The following DBNL variants were observed in gnomAD, a reference collection of about 807,000 sequenced individuals.
DBNL encodes the protein drebrin like.
In DBNL, 35 loss-of-function variants were observed where a neutral mutation model predicts 62.2. That is an observed-to-expected ratio of 0.56 (90% CI 0.43 to 0.75). DBNL has a LOEUF of 0.75. DBNL is among the 30% of genes least tolerant of loss of function. DBNL has a pLI of 0.00. For missense variants in DBNL, 495 were observed against 578.4 expected (o/e 0.86, Z 1.48); for synonymous variants, 197 against 218.0 (o/e 0.90, Z 0.85).
rs934757028 is a variant in DBNL, at chr7:44,060,979, G to T, written c.*63G>T. The T allele has an allele frequency of 6.4e-7, 1 of 1,573,876 alleles. No homozygotes were observed. Among genetic ancestry groups the T allele is most frequent in the Non-Finnish European group, 8.6e-7 (1 of 1,159,318 alleles). On this transcript the variant is annotated 3_prime_UTR_variant, in exon 13 of 13. Coordinates refer to ENST00000448521, the MANE Select transcript of DBNL (RefSeq NM_001014436.3). This position sits in a 1 kb window ranked among gnomAD's most constrained non-coding sequence, Gnocchi z 6.3. ...GGCTTCCTTATTGCTGGAAGAGGAG[G>T]CCTGGGAGTTGACATTCAGCACTCT...
At chr7:44,055,201 C>T (rs943334995) in intron 4 of DBNL, among the ~76,000 whole-genome samples, 9 of 152,214 alleles carry the variant, frequency 5.9e-5, no homozygotes, top group African/African-American at 2.2e-4. Context: ...CGCGATGGCT[C>T]ACGCCTGTAA....
At chr7:44,052,816 G>A in intron 3 of DBNL, 51 bp from the exon 4 acceptor site, 1 of 1,607,848 alleles carries the variant, frequency 6.2e-7, no homozygotes, top group African/African-American at 1.3e-5. Flanking sequence ...CCAGGGAAGG[G>A]AAGTGGCTTT....
intron 2 of DBNL, 82 bp from the exon 3 acceptor site, chr7:44,051,748 G>C: frequency 7.5e-7 from 1 of 1,324,814 alleles, no homozygotes; most frequent in Non-Finnish European, 1.1e-6. Context: ...TTTAGAAGCA[G>C]CTCGGCCTCC....
chr7:44,062,588 AG>A lies in DBNL; in HGVS notation c.*1674del, dbSNP rs2096151204. 1.5e-6 allele frequency: 1 copy of A among 646,840 alleles called. No homozygotes were observed. The highest frequency in any genetic ancestry group is 2.7e-6 in the Non-Finnish European group (1 of 364,872). 40.1% of individuals were successfully genotyped at this position (646,840 alleles called of 1,614,324 possible). A position where few individuals can be genotyped will look rare whatever the true frequency, so the allele number is the denominator to read the frequency against. ...GCCCTGGCTCAGTGTCCTGATGACT[AG>A]GTGTGGGTACTAGGCTCCTGCCCCT... is the stretch of plus-strand genomic sequence containing the variant. On this transcript the variant is annotated 3_prime_UTR_variant, in exon 13 of 13. Transcript: ENST00000448521.
Position 44,065,465 on chromosome 7 carries a change from A to T in DBNL, c.*4549A>T. ...CAGCTCTGCATCGAACCAGCCACAGAAACGGTTCTCCTGGTTCCATGTGCT... is the reference window on the plus strand; with the variant it reads ...CAGCTCTGCATCGAACCAGCCACAGTAACGGTTCTCCTGGTTCCATGTGCT... On this transcript the variant is annotated 3_prime_UTR_variant, in exon 13 of 13. Transcript: ENST00000448521. 6.2e-7 allele frequency: 1 copy of T among 1,614,116 alleles called. No individual in the cohort carries two copies. Among genetic ancestry groups the T allele is most frequent in the South Asian group, 1.1e-5 (1 of 91,080 alleles).
chr7:44,049,980 C>T, intron 1 of DBNL: 1 of 467,332 alleles, frequency 2.1e-6, no homozygotes. Context: ...CTTTGTCCCT[C>T]ACAACCCCCA....
intron 2 of DBNL, chr7:44,051,464 A>C (rs17449252): frequency 0.072 from 13,884 of 192,054 alleles, 660 homozygotes; most frequent in Non-Finnish European, 0.098. Flanking sequence ...GCAACAATAA[A>C]ATTTTGACGT....
At position 44,050,274 on chromosome 7, in the gene DBNL, A is replaced by G. The variant is rs1460667328; in HGVS notation, c.133A>G (p.Thr45Ala). 19 of 1,613,588 alleles carry G rather than the reference A, an allele frequency of 1.2e-5. No homozygotes were observed. The highest frequency in any genetic ancestry group is 1.6e-5 in the Non-Finnish European group (19 of 1,179,702). ...GNSNDIRVAG[T>A]GEGGLEEMVE... Reference sequence around the variant, plus strand: ...CAGCAATGACATCCGCGTGGCTGGCACAGGGGGTGAGTATGACTCCAAATG... The same window carrying G: ...CAGCAATGACATCCGCGTGGCTGGCGCAGGGGGTGAGTATGACTCCAAATG... Residue 45 changes from threonine (T) to alanine (A), a missense_variant, in exon 2 of 13, where the codon ACA becomes GCA. Thr to Ala is a moderately conservative substitution (Grantham distance 58). Coordinates refer to ENST00000448521, the MANE Select transcript of DBNL (RefSeq NM_001014436.3).
rs2096150703 is a variant in DBNL at position 44,062,266 on chromosome 7, G to T, written c.*1350G>T. ...CACTCCCATGGAAGACCCAGGTTTGGGCTGTTGCCAGCTTTGAGGCCCCCT... is the reference window on the plus strand; with the variant it reads ...CACTCCCATGGAAGACCCAGGTTTGTGCTGTTGCCAGCTTTGAGGCCCCCT... On this transcript the variant is annotated 3_prime_UTR_variant, in exon 13 of 13. Transcript: ENST00000448521. The T allele has an allele frequency of 1.0e-5, 2 of 192,246 alleles. No homozygotes were observed. The highest frequency in any genetic ancestry group is 2.2e-5 in the Non-Finnish European group (2 of 90,626). The allele number at this position is 192,246 out of a possible 1,614,324, so 11.9% of individuals were successfully genotyped here. A position where few individuals can be genotyped will look rare whatever the true frequency, so the allele number is the denominator to read the frequency against.
At chr7:44,045,973 A>C (rs559059120) in intron 1 of DBNL, among the ~76,000 whole-genome samples, 1 of 152,130 alleles carries the variant, frequency 6.6e-6, no homozygotes. Flanking sequence ...ATATCTCGTC[A>C]TTTCCTTGGT....
chr7:44,064,889 G>A lies in DBNL; in HGVS notation c.*3973G>A, dbSNP rs540266988. 4.4e-6 allele frequency: 7 copies of A among 1,601,864 alleles called. No homozygotes were observed. Among genetic ancestry groups the A allele is most frequent in the African/African-American group, 1.3e-5 (1 of 74,364 alleles). ...TTCCCGTGGGCTGCAATGAGCACTC[G>A]CTTGCCGGCCTTGATCTGGGGAACA... On this transcript the variant is annotated 3_prime_UTR_variant, in exon 13 of 13. Coordinates refer to ENST00000448521, the MANE Select transcript of DBNL (RefSeq NM_001014436.3).
intron 3 of DBNL, 27 bp downstream of exon 3, chr7:44,051,969 G>A (rs758709008): frequency 1.0e-5 from 16 of 1,603,298 alleles, no homozygotes; most frequent in Non-Finnish European, 1.0e-5. Context: ...TCATCTAGGT[G>A]TGACCCAGGA....
Position 44,065,161 on chromosome 7 carries a change from C to T in DBNL, c.*4245C>T, listed in dbSNP as rs202087044. ...AGGGGTGCTTCTCGTCCATCGGGGG[C>T]GGCGGGATGTCGAAGGAGCGCCTCC... On this transcript the variant is annotated 3_prime_UTR_variant, in exon 13 of 13. Transcript: ENST00000448521. 1.7e-5 allele frequency: 28 copies of T among 1,614,064 alleles called. No homozygotes were observed. Among genetic ancestry groups the T allele is most frequent in the African/African-American group, 2.7e-5 (2 of 75,054 alleles).
rs2096149626 is a variant in DBNL, at chr7:44,061,732, A to G, written c.*816A>G. Reference sequence around the variant, plus strand: ...GGACCACGAATTCCCAGTTTGGTCTACACAGGCTCGCAGCTCTCACCTGTC... The same window carrying G: ...GGACCACGAATTCCCAGTTTGGTCTGCACAGGCTCGCAGCTCTCACCTGTC... On this transcript the variant is annotated 3_prime_UTR_variant, in exon 13 of 13. Coordinates refer to ENST00000448521, the MANE Select transcript of DBNL (RefSeq NM_001014436.3). The G allele has an allele frequency of 6.6e-6, 1 of 152,324 alleles. No individual in the cohort carries two copies. The highest frequency in any genetic ancestry group is 2.4e-5 in the African/African-American group (1 of 41,446). The allele number at this position is 152,324 out of a possible 1,614,324, so 9.4% of individuals were successfully genotyped here.
In DBNL at chr7:44,065,649, A is replaced by G. The variant is rs867302072; in HGVS notation, c.*4733A>G. ...CCAGCCAACTGCCAATCAGCATTCC[A>G]GGCGGTGGCAGGTGACCAGTAGCTG... On this transcript the variant is annotated 3_prime_UTR_variant, in exon 13 of 13. Transcript: ENST00000448521. 173 of 954,428 alleles carry G rather than the reference A, an allele frequency of 1.8e-4. 1 individual carries two copies. In the South Asian group the frequency reaches 2.4e-3, roughly 13 times the overall value. 59.1% of individuals were successfully genotyped at this position (954,428 alleles called of 1,614,324 possible).
rs5883883 is a variant in DBNL, at chr7:44,047,910, C to CTT, written c.84-2293_84-2292dup. Among the ~76,000 whole-genome samples the CTT allele has an allele frequency of 1.3e-4, 9 of 69,802 alleles. No individual in the cohort carries two copies. The East Asian group carries it at 2.5e-3, about 19-fold the overall frequency. The allele number at this position is 69,802 out of a possible 152,430, so 45.8% of individuals were successfully genotyped here. On this transcript the variant is annotated intron_variant, in intron 1 of 12. Transcript: ENST00000448521. ...TCTTATTATATTAGCTGCTGAGTCC[C>CTT]TTTTTTTTTTTTTTTTTTTTTTTGA...
At chr7:44,058,614 C>A in intron 8 of DBNL, 134 bp downstream of exon 8, 1 of 1,258,276 alleles carries the variant, frequency 7.9e-7, no homozygotes, top group Non-Finnish European at 1.1e-6. Flanking sequence ...GGAATCTGGG[C>A]ACCTCAAGAG....
chr7:44,047,033 A>C (rs2128788652), intron 1 of DBNL, among the ~76,000 whole-genome samples: 1 of 152,302 alleles, frequency 6.6e-6, no homozygotes, highest in Non-Finnish European at 1.5e-5. Flanking sequence ...GTGGCTCCCC[A>C]GCCTTCACTT....
rs747760221 is a variant in DBNL, at chr7:44,062,915, G to A, written c.*1999G>A. The A allele has an allele frequency of 8.1e-6, 13 of 1,614,008 alleles. No individual in the cohort carries two copies. The highest frequency in any genetic ancestry group is 4.4e-5 in the South Asian group (4 of 91,084). On this transcript the variant is annotated 3_prime_UTR_variant, in exon 13 of 13. Coordinates refer to ENST00000448521, the MANE Select transcript of DBNL (RefSeq NM_001014436.3). ...CGTGGGCAGGTTCAGCTCCATGATCGCCTGGTCTGACATCCCTATGCCGGA... is the reference window on the plus strand; with the variant it reads ...CGTGGGCAGGTTCAGCTCCATGATCACCTGGTCTGACATCCCTATGCCGGA...
Sources: allele counts gnomAD v4.1 joint callset (sites outside exome capture counted in the v4.1 genomes callset), GRCh38; gene constraint gnomAD v4.1.1; non-coding constraint Gnocchi (gnomAD v3.1); transcripts MANE v1.5; gene names NCBI Gene and HGNC (gene_info 2026-07-23, HGNC 2026-07-21).